Variants in SLC12A5 observed in about 807,000 individuals in gnomAD.
The protein encoded by SLC12A5 is solute carrier family 12 member 5.
A neutral mutation model predicts 124.0 loss-of-function variants in SLC12A5; 18 were observed. The ratio of observed to expected loss-of-function variants is 0.15; its 90% CI spans 0.10 to 0.22. The LOEUF (loss-of-function observed/expected upper bound fraction) is 0.22. Ranked by LOEUF, SLC12A5 falls within the 10% of genes least tolerant of loss-of-function variation. The pLI, the probability that SLC12A5 is intolerant of heterozygous loss-of-function variation, is 1.00. For missense variants in SLC12A5, 867 were observed against 1,478.7 expected, an observed-to-expected ratio of 0.59 and a Z score of 6.78; for synonymous variants, 589 against 568.0, an observed-to-expected ratio of 1.04 and a Z score of -0.53.
upstream of SLC12A5, chr20:46,029,027 C>T (rs141925288): frequency 3.3e-3 from 2,674 of 816,578 alleles, 14 homozygotes; most frequent in Non-Finnish European, 3.6e-3. Flanking sequence ...TGCAAGGGGG[C>T]CACTAGTCGG....
Position 46,035,765 on chromosome 20 carries a change from C to A in SLC12A5, c.280-12C>A. 6.2e-7 allele frequency: 1 copy of A among 1,606,336 alleles called. No homozygotes were observed. The highest frequency in any genetic ancestry group is 1.1e-5 in the South Asian group (1 of 89,774). ...TGAGGACTGCAGAGACTGATGCTGGCCTCCCTGGCAGGCCCCACGCATGGG... is the reference window on the plus strand; with the variant it reads ...TGAGGACTGCAGAGACTGATGCTGGACTCCCTGGCAGGCCCCACGCATGGG... On this transcript the variant is annotated splice_polypyrimidine_tract_variant and intron_variant, in intron 3 of 25. Transcript: ENST00000243964.
At chr20:46,032,728 C>A (rs1259991008) in intron 1 of SLC12A5, among the ~76,000 whole-genome samples, 7 of 152,128 alleles carry the variant, frequency 4.6e-5, no homozygotes, top group Non-Finnish European at 8.8e-5. Flanking sequence ...CTTTTTTAAC[C>A]GTTAGGAAAC....
At chr20:46,034,201 C>T (rs149582236) in intron 1 of SLC12A5, among the ~76,000 whole-genome samples, 425 of 152,242 alleles carry the variant, frequency 2.8e-3, no homozygotes, top group Middle Eastern at 0.014. Context: ...CCTGGAACAC[C>T]CTCCCTTCCT....
chr20:46,029,381 G>A lies in SLC12A5; in HGVS notation c.37G>A (p.Gly13Arg). The A allele has an allele frequency of 1.3e-6, 2 of 1,549,634 alleles. No individual in the cohort carries two copies. The highest frequency in any genetic ancestry group is 1.2e-5 in the South Asian group (1 of 83,996). ...CCTGACGGACTGCGAGGACGGCGAT[G>A]GGGGAGCCAACCCGGGTAAGCTGTG... ...NNLTDCEDGD[G>R]GANPGDGNPK... The change falls in exon 1 of 26, where the codon GGG becomes AGG. Residue 13 changes from glycine to arginine, a missense_variant. Physicochemically the swap from Gly to Arg is moderately radical, Grantham distance 125. Transcript: ENST00000243964.
chr20:46,044,729 G>A (rs2084578402), intron 11 of SLC12A5: 1 of 542,062 alleles, frequency 1.8e-6, no homozygotes, highest in Non-Finnish European at 3.3e-6. Flanking sequence ...GGGGGACGTG[G>A]GGCTGGGACC....
intron 18 of SLC12A5, 111 bp downstream of exon 18, chr20:46,051,981 C>A: frequency 1.1e-6 from 1 of 947,402 alleles, no homozygotes; most frequent in Non-Finnish European, 1.5e-6. Flanking sequence ...GCACTGCGTG[C>A]CAAGTGTGGA....
At chr20:46,043,544 C>A in intron 9 of SLC12A5, 89 bp from the exon 10 acceptor site, 2 of 1,383,282 alleles carry the variant, frequency 1.4e-6, no homozygotes, top group Non-Finnish European at 2.0e-6. Context: ...ATCCCAGACT[C>A]ACTGACCCTG....
At chr20:46,055,508 G>A (rs987048485) in intron 21 of SLC12A5, among the ~76,000 whole-genome samples, 4 of 152,232 alleles carry the variant, frequency 2.6e-5, no homozygotes, top group Non-Finnish European at 2.9e-5. Flanking sequence ...GGGTGTGGGT[G>A]TAAGATCTTC....
chr20:46,023,810 T>A (rs1442163721), downstream of SLC12A5, among the ~76,000 whole-genome samples: 2 of 151,922 alleles, frequency 1.3e-5, no homozygotes, highest in Non-Finnish European at 2.9e-5. Context: ...TTGGAACATC[T>A]CAAGGACAGG....
chr20:46,034,341 C>T (rs771376314), intron 1 of SLC12A5, among the ~76,000 whole-genome samples: 5 of 152,212 alleles, frequency 3.3e-5, no homozygotes, highest in Admixed American at 6.5e-5. Context: ...ATCTTCTATC[C>T]TAGAATTGAC....
intron 17 of SLC12A5, among the ~76,000 whole-genome samples, chr20:46,050,211 A>G (rs1467249167): frequency 6.6e-6 from 1 of 152,154 alleles, no homozygotes; most frequent in Non-Finnish European, 1.5e-5. Flanking sequence ...TTGATACAGG[A>G]AGAAACTGAG....
At chr20:46,033,318 G>A (rs187647786) in intron 1 of SLC12A5, among the ~76,000 whole-genome samples, 19 of 152,236 alleles carry the variant, frequency 1.2e-4, no homozygotes, top group Middle Eastern at 3.4e-3. Context: ...TTTGATCAGC[G>A]GGGAGTTTCT....
In SLC12A5 at chr20:46,045,885, G is replaced by A; in HGVS notation, c.1577G>A (p.Gly526Asp). ...DGIVPFLQVFGHGKANGEPTW... is the reference protein window; with the variant it reads ...DGIVPFLQVFDHGKANGEPTW... Reference sequence around the variant, plus strand: ...TGATTGCTCTTTCCCCAGGTCTTTGGCCATGGCAAGGCCAATGGAGAGCCG... The same window carrying A: ...TGATTGCTCTTTCCCCAGGTCTTTGACCATGGCAAGGCCAATGGAGAGCCG... Residue 526 changes from glycine to aspartate, a missense_variant, in exon 13 of 26, where the codon GGC becomes GAC. Physicochemically the swap from Gly to Asp is moderately conservative, Grantham distance 94 (BLOSUM62 -1). Coordinates refer to ENST00000243964, the MANE Select transcript of SLC12A5 (RefSeq NM_020708.5). This position sits in a 1 kb window ranked among gnomAD's most constrained non-coding sequence, Gnocchi z 4.9. 6.2e-7 allele frequency: 1 copy of A among 1,613,922 alleles called. No individual in the cohort carries two copies. The highest frequency in any genetic ancestry group is 8.5e-7 in the Non-Finnish European group (1 of 1,179,858).
intron 17 of SLC12A5, among the ~76,000 whole-genome samples, chr20:46,050,868 G>A (rs1417987010): frequency 6.6e-6 from 1 of 152,214 alleles, no homozygotes; most frequent in African/African-American, 2.4e-5. Context: ...TGTGTTGAGT[G>A]TTTTCAATTC....
Position 46,059,596 on chromosome 20 carries a change from C to T in SLC12A5, c.*1991C>T, listed in dbSNP as rs1167684070. 1.3e-5 allele frequency: 5 copies of T among 398,948 alleles called. No homozygotes were observed. Among genetic ancestry groups the T allele is most frequent in the Non-Finnish European group, 2.2e-5 (5 of 226,076 alleles). The allele number at this position is 398,948 out of a possible 1,614,324, so 24.7% of individuals were successfully genotyped here. A position where few individuals can be genotyped will look rare whatever the true frequency, so the allele number is the denominator to read the frequency against. On this transcript the variant is annotated 3_prime_UTR_variant, in exon 26 of 26. Transcript: ENST00000243964. ...GAACCAAAGTTGCACTATCTGGGCC[C>T]AGATTGTCTGGTTGGCAAGAGCAAA...
intron 1 of SLC12A5, among the ~76,000 whole-genome samples, chr20:46,030,844 T>C (rs2084443361): frequency 7.0e-6 from 1 of 143,320 alleles, no homozygotes; most frequent in South Asian, 2.5e-4. Flanking sequence ...TCATTCCTCC[T>C]GGGGGCTGAG....
At chr20:46,051,351 C>T (rs894828087) in intron 17 of SLC12A5, among the ~76,000 whole-genome samples, 3 of 152,066 alleles carry the variant, frequency 2.0e-5, no homozygotes, top group Non-Finnish European at 4.4e-5. Context: ...CTGGGCCAGA[C>T]AGGGTGTCAT....
At chr20:46,052,602 G>T (rs767366323) in intron 18 of SLC12A5, among the ~76,000 whole-genome samples, 21 of 152,196 alleles carry the variant, frequency 1.4e-4, no homozygotes, top group Non-Finnish European at 7.3e-5. Flanking sequence ...TACACTGTTA[G>T]CTCCAAGCTA....
In SLC12A5 at chr20:46,040,874, G is replaced by A. The variant is rs1257514614; in HGVS notation, c.854+260G>A. On this transcript the variant is annotated intron_variant, in intron 7 of 25. Coordinates refer to ENST00000243964, the MANE Select transcript of SLC12A5 (RefSeq NM_020708.5). ...AGGGTGGACTTAGGAAGAATTAAGT[G>A]GGAATGAGTTCCAAAGCAATGAATG... is the stretch of plus-strand genomic sequence containing the variant. The A allele has an allele frequency of 7.4e-6, 4 of 543,688 alleles. No homozygotes were observed. The East Asian group carries it at 1.0e-4, about 14-fold the overall frequency. 33.7% of individuals were successfully genotyped at this position (543,688 alleles called of 1,614,324 possible).
Sources: gnomAD v4.1 joint callset for allele counts (sites outside exome capture counted in the v4.1 genomes callset) on GRCh38, gnomAD v4.1.1 for gene constraint, Gnocchi (gnomAD v3.1) non-coding constraint, MANE v1.5 for transcripts, NCBI Gene and HGNC (gene_info 2026-07-23, HGNC 2026-07-21) for gene names.